Variants in AEBP2 observed in about 807,000 individuals in gnomAD.
AEBP2 encodes the protein zinc finger protein AEBP2.
A neutral mutation model predicts 50.8 loss-of-function variants in AEBP2; 10 were observed. That is an observed-to-expected ratio of 0.20 (90% confidence interval 0.12 to 0.33). The LOEUF is 0.33. AEBP2 is among the 10% of genes least tolerant of loss of function. The probability of loss-of-function intolerance (pLI) is 1.00; values close to 1 mark genes in which losing one functional copy is unlikely to be tolerated. For synonymous variants in AEBP2, 296 were observed against 261.3 expected (o/e 1.13, Z -1.28); for missense variants, 570 against 688.0 (o/e 0.83, Z 1.92).
chr12:19,438,657 T>C (rs1423917048), upstream of AEBP2, among the ~76,000 whole-genome samples: 3 of 152,202 alleles, frequency 2.0e-5, no homozygotes, highest in Admixed American at 6.5e-5. Context: ...ACAACCCAGA[T>C]ACTTCAATTT....
At chr12:19,472,587 T>A (rs73072858) in intron 2 of AEBP2, among the ~76,000 whole-genome samples, 2,665 of 152,304 alleles carry the variant, frequency 0.017, 24 homozygotes, top group Non-Finnish European at 0.026. Context: ...TTTCGTATTC[T>A]ATTTGTTTCA....
chr12:19,448,112 G>A (rs1948104964), intron 1 of AEBP2, among the ~76,000 whole-genome samples: 1 of 152,018 alleles, frequency 6.6e-6, no homozygotes, highest in African/African-American at 2.4e-5. Flanking sequence ...TTGCTATGTT[G>A]CCGAGACTGG....
chr12:19,512,746 G>A (rs1267344979), intron 6 of AEBP2, among the ~76,000 whole-genome samples: 2 of 151,590 alleles, frequency 1.3e-5, no homozygotes, highest in African/African-American at 2.4e-5. Context: ...CCGGCAGTTC[G>A]AGACCAGCCT....
At chr12:19,453,871 A>G (rs973326585) in intron 1 of AEBP2, among the ~76,000 whole-genome samples, 5 of 148,698 alleles carry the variant, frequency 3.4e-5, no homozygotes, top group Non-Finnish European at 1.5e-5. Context: ...ATCACAGCTC[A>G]CTGCAAACTC....
chr12:19,508,253 G>A (rs1412128243), intron 5 of AEBP2, among the ~76,000 whole-genome samples: 1 of 152,132 alleles, frequency 6.6e-6, no homozygotes, highest in African/African-American at 2.4e-5. Flanking sequence ...TAGAAACGGG[G>A]ATTCACCATG....
chr12:19,464,463 T>A (rs1207814987), intron 2 of AEBP2, among the ~76,000 whole-genome samples: 1 of 152,120 alleles, frequency 6.6e-6, no homozygotes, highest in Admixed American at 6.6e-5. Flanking sequence ...CATTTCTGAG[T>A]CTTGGAATCC....
At chr12:19,484,982 T>C (rs1223346606) in intron 3 of AEBP2, among the ~76,000 whole-genome samples, 1 of 152,212 alleles carries the variant, frequency 6.6e-6, no homozygotes, top group East Asian at 1.9e-4. Flanking sequence ...GTCTAATGTG[T>C]AGTTGGTAGT....
intron 5 of AEBP2, among the ~76,000 whole-genome samples, chr12:19,503,590 C>A (rs1392796470): frequency 6.6e-6 from 1 of 151,648 alleles, no homozygotes; most frequent in Non-Finnish European, 1.5e-5. Flanking sequence ...TATTTGGATG[C>A]CTTTTATTGA....
At position 19,518,954 on chromosome 12, in the gene AEBP2, T is replaced by C. The variant is rs925583845; in HGVS notation, c.*837T>C. The C allele has an allele frequency of 4.6e-5, 13 of 284,338 alleles. No individual in the cohort carries two copies. Among genetic ancestry groups the C allele is most frequent in the African/African-American group, 1.3e-4 (6 of 45,684 alleles). 17.6% of individuals were successfully genotyped at this position (284,338 alleles called of 1,614,324 possible). ...TAACCTATATGACTCTAATTTTTTTTCTGAGGAAATCATTTGGTTTTTGAG... is the reference window on the plus strand; with the variant it reads ...TAACCTATATGACTCTAATTTTTTTCCTGAGGAAATCATTTGGTTTTTGAG... On this transcript the variant is annotated 3_prime_UTR_variant, in exon 8 of 8. Transcript: ENST00000266508.
intron 2 of AEBP2, among the ~76,000 whole-genome samples, chr12:19,469,225 C>G (rs1406384568): frequency 6.6e-6 from 1 of 152,102 alleles, no homozygotes. Flanking sequence ...TGCACCTGGC[C>G]CAAAAATATT....
chr12:19,439,746 G>C lies in AEBP2; in HGVS notation c.47G>C (p.Arg16Pro). Residue 16 changes from arginine (R) to proline (P), a missense_variant, in exon 1 of 8, where the codon CGC (arginine) becomes CCC (proline). Arg to Pro is a moderately radical substitution (Grantham distance 103). Around this residue, in one of 2 missense-constraint regions of AEBP2, gnomAD observed 386 missense variants for 336.8 expected, o/e 1.15. Coordinates refer to ENST00000266508, the MANE Select transcript of AEBP2 (RefSeq NM_153207.5). ...TDMADLEELS[R>P]LSPLPPGSPG... ...ATGGCCGACCTGGAGGAGCTCTCCCGCCTGAGCCCTCTGCCCCCCGGCAGC... is the reference window on the plus strand; with the variant it reads ...ATGGCCGACCTGGAGGAGCTCTCCCCCCTGAGCCCTCTGCCCCCCGGCAGC... 2.6e-6 allele frequency: 4 copies of C among 1,518,704 alleles called. No individual in the cohort carries two copies. The highest frequency in any genetic ancestry group is 3.5e-6 in the Non-Finnish European group (4 of 1,139,756). 94.1% of individuals were successfully genotyped at this position (1,518,704 alleles called of 1,614,324 possible). A position where few individuals can be genotyped will look rare whatever the true frequency, so the allele number is the denominator to read the frequency against.
chr12:19,412,275 A>AT (rs1424248759), intron 1 of AEBP2, among the ~76,000 whole-genome samples: 5 of 151,866 alleles, frequency 3.3e-5, no homozygotes, highest in African/African-American at 7.2e-5. Context: ...TATTTTTTTA[A>AT]TTTTTTTTAT....
At chr12:19,443,025 C>T (rs562464954) in intron 1 of AEBP2, among the ~76,000 whole-genome samples, 1 of 152,122 alleles carries the variant, frequency 6.6e-6, no homozygotes, top group East Asian at 1.9e-4. Flanking sequence ...CCTTTCCCAT[C>T]GTTTTGGTTA....
Position 19,468,550 on chromosome 12 carries a change from T to C in AEBP2, c.880-4698T>C, listed in dbSNP as rs149769262. ...TTCATTTATTTACAGAAAGATTTCA[T>C]GGATTCATTTGTGTTCTTCAGGTGC... On this transcript the variant is annotated intron_variant, in intron 2 of 7. Coordinates refer to ENST00000266508, the MANE Select transcript of AEBP2 (RefSeq NM_153207.5). 5.0e-3 allele frequency among the ~76,000 whole-genome samples: 758 copies of C among 152,352 alleles called. 1 individual carries two copies. Among genetic ancestry groups the C allele is most frequent in the Middle Eastern group, 0.01 (3 of 294 alleles).
chr12:19,502,069 C>G (rs1209273920), intron 5 of AEBP2, among the ~76,000 whole-genome samples: 2 of 152,110 alleles, frequency 1.3e-5, no homozygotes, highest in East Asian at 1.9e-4. Context: ...TTGGATTTCA[C>G]TATTCAAGGC....
At chr12:19,483,409 AC>A (rs1948759488) in intron 3 of AEBP2, among the ~76,000 whole-genome samples, 1 of 151,972 alleles carries the variant, frequency 6.6e-6, no homozygotes, top group Non-Finnish European at 1.5e-5. Flanking sequence ...TCTCTCTCTT[AC>A]ACTTTGGGAA....
chr12:19,451,537 A>T (rs1310139814), intron 1 of AEBP2, among the ~76,000 whole-genome samples: 3 of 152,156 alleles, frequency 2.0e-5, no homozygotes, highest in East Asian at 1.9e-4. Context: ...GTTCCCTTTT[A>T]TGACTTAGCC....
At chr12:19,462,447 A>T (rs922012606) in intron 1 of AEBP2, 63 bp from the exon 2 acceptor site, 2 of 1,327,762 alleles carry the variant, frequency 1.5e-6, no homozygotes, top group African/African-American at 2.9e-5. Flanking sequence ...TTAAATATTT[A>T]TAAGATCATA....
intron 3 of AEBP2, among the ~76,000 whole-genome samples, chr12:19,474,688 TTACTTGTTTTTCTATA>T (rs1003915261): frequency 2.9e-4 from 44 of 152,146 alleles, no homozygotes; most frequent in African/African-American, 6.5e-4. Context: ...AATACACAGA[TTACTTGTTTTTCTATA>T]TACTTGTTTT....
Sources: allele counts gnomAD v4.1 joint callset (sites outside exome capture counted in the v4.1 genomes callset), GRCh38; gene constraint gnomAD v4.1.1; regional missense constraint gnomAD v4.1.1; transcripts MANE v1.5; gene names NCBI Gene and HGNC (gene_info 2026-07-23, HGNC 2026-07-21).